The following CNTN6 variants were observed in gnomAD, a reference collection of about 807,000 sequenced individuals.
CNTN6 encodes the protein contactin-6.
Under a neutral mutation model 122.8 loss-of-function variants are expected in CNTN6, and 137 were observed. The observed-to-expected ratio is 1.12, with a 90% CI of 0.97 to 1.29. CNTN6 has a LOEUF of 1.29. Among genes scored for constraint, CNTN6 ranks in the 50% most tolerant of loss-of-function variants. CNTN6 has a pLI of 0.00. For missense variants in CNTN6, 1,634 were observed against 1,223.4 expected (o/e 1.34, Z -5.01); for synonymous variants, 570 against 426.0 (o/e 1.34, Z -4.16).
At chr3:1,236,576 G>A (rs2094425092) in intron 4 of CNTN6, among the ~76,000 whole-genome samples, 1 of 152,136 alleles carries the variant, frequency 6.6e-6, no homozygotes, top group South Asian at 2.1e-4. Context: ...AAAAGACTCT[G>A]AAGAGCAGCC....
chr3:1,249,598 A>T (rs1260680299), intron 4 of CNTN6, among the ~76,000 whole-genome samples: 1 of 152,222 alleles, frequency 6.6e-6, no homozygotes, highest in Non-Finnish European at 1.5e-5. Flanking sequence ...ACGTGATTTA[A>T]CAAGTCAATT....
intron 12 of CNTN6, among the ~76,000 whole-genome samples, chr3:1,362,621 A>G (rs1170394474): frequency 6.6e-6 from 1 of 152,100 alleles, no homozygotes; most frequent in Non-Finnish European, 1.5e-5. Context: ...TGGAGAGAGA[A>G]TAAAATGGGA....
chr3:1,290,694 T>C (rs1259240196), intron 5 of CNTN6, among the ~76,000 whole-genome samples: 1 of 152,232 alleles, frequency 6.6e-6, no homozygotes, highest in Non-Finnish European at 1.5e-5. Context: ...TTTTCCATTT[T>C]TATGGTTATT....
intron 4 of CNTN6, among the ~76,000 whole-genome samples, chr3:1,269,117 A>C (rs529332311): frequency 6.6e-6 from 1 of 151,184 alleles, no homozygotes; most frequent in African/African-American, 2.4e-5. Flanking sequence ...TACACACTTT[A>C]ATTGTATTAT....
At chr3:1,397,111 C>G (rs557884788) in intron 20 of CNTN6, among the ~76,000 whole-genome samples, 1 of 152,132 alleles carries the variant, frequency 6.6e-6, no homozygotes, top group Non-Finnish European at 1.5e-5. Context: ...ATAGTGCCTC[C>G]CATGAGCCAT....
chr3:1,150,420 T>G (rs2092814743), intron 2 of CNTN6, among the ~76,000 whole-genome samples: 1 of 152,148 alleles, frequency 6.6e-6, no homozygotes, highest in African/African-American at 2.4e-5. Context: ...AATTAAAACT[T>G]AAAATTTTTT....
At chr3:1,254,014 C>T (rs148326962) in intron 4 of CNTN6, among the ~76,000 whole-genome samples, 77 of 152,114 alleles carry the variant, frequency 5.1e-4, no homozygotes, top group African/African-American at 1.6e-3. Context: ...TTCTAGTAAC[C>T]GACATTTTTC....
chr3:1,372,352 A>G lies in CNTN6; in HGVS notation c.1546A>G (p.Ser516Gly), dbSNP rs1278436459. ...CAAAATGGATGTTACAGTTGGCGAG[A>G]GTATAGTGCTACCATGCCAGGTGTC... Reference protein sequence around the residue: ...PSKMDVTVGESIVLPCQVSHD... With the variant: ...PSKMDVTVGEGIVLPCQVSHD... The change falls in exon 13 of 23, where the codon AGT (serine) becomes GGT (glycine). Residue 516 changes from serine to glycine, a missense_variant. By Grantham distance (56) the Ser-to-Gly change is moderately conservative. Coordinates refer to ENST00000446702, the MANE Select transcript of CNTN6 (RefSeq NM_001289080.2). The G allele has an allele frequency of 1.9e-6, 3 of 1,612,738 alleles. No individual in the cohort carries two copies. In the South Asian group the frequency reaches 3.3e-5, roughly 18 times the overall value.
chr3:1,113,953 T>G (rs2068884), intron 1 of CNTN6, among the ~76,000 whole-genome samples: 10,188 of 152,230 alleles, frequency 0.067, 1,162 homozygotes, highest in African/African-American at 0.23. Context: ...GTCTCCTACA[T>G]GGTCACCATT....
chr3:1,274,518 A>G (rs567170705), intron 4 of CNTN6, among the ~76,000 whole-genome samples: 2 of 152,200 alleles, frequency 1.3e-5, no homozygotes, highest in South Asian at 2.1e-4. Flanking sequence ...AGTATAGAAA[A>G]TATAAGACTT....
intron 2 of CNTN6, among the ~76,000 whole-genome samples, chr3:1,214,182 T>C (rs1444689949): frequency 2.6e-5 from 4 of 152,082 alleles, no homozygotes; most frequent in Non-Finnish European, 4.4e-5. Context: ...TCATATTTAA[T>C]TGAATGGATT....
intron 7 of CNTN6, among the ~76,000 whole-genome samples, chr3:1,318,518 A>G (rs1240621738): frequency 2.0e-5 from 3 of 151,986 alleles, no homozygotes; most frequent in South Asian, 2.1e-4. Context: ...ACCTGAAAGT[A>G]TAATTTTTTG....
At chr3:1,198,927 G>C (rs1049290235) in intron 2 of CNTN6, among the ~76,000 whole-genome samples, 1 of 152,134 alleles carries the variant, frequency 6.6e-6, no homozygotes, top group Non-Finnish European at 1.5e-5. Flanking sequence ...TTCAGTGGCT[G>C]ATGTCTCTAT....
intron 4 of CNTN6, among the ~76,000 whole-genome samples, chr3:1,254,768 G>GA (rs1175822623): frequency 1.3e-5 from 2 of 152,124 alleles, no homozygotes; most frequent in Admixed American, 1.3e-4. Context: ...TCCAATGAAG[G>GA]AAAATTAAGG....
intron 4 of CNTN6, among the ~76,000 whole-genome samples, chr3:1,253,333 G>A (rs1463435066): frequency 6.6e-6 from 1 of 152,072 alleles, no homozygotes; most frequent in Non-Finnish European, 1.5e-5. Flanking sequence ...GAAAATTTGA[G>A]ATCTCAATAG....
intron 4 of CNTN6, among the ~76,000 whole-genome samples, chr3:1,264,920 A>G (rs1410800275): frequency 6.6e-6 from 1 of 151,796 alleles, no homozygotes; most frequent in Non-Finnish European, 1.5e-5. Context: ...ACTTACATGA[A>G]TTTAACTTTT....
intron 4 of CNTN6, among the ~76,000 whole-genome samples, chr3:1,240,985 C>G (rs978353488): frequency 6.6e-6 from 1 of 151,384 alleles, no homozygotes; most frequent in African/African-American, 2.4e-5. Context: ...AGTACATTCT[C>G]AAGGGTGGGG....
At chr3:1,294,378 T>C (rs948568314) in intron 5 of CNTN6, among the ~76,000 whole-genome samples, 7 of 152,242 alleles carry the variant, frequency 4.6e-5, no homozygotes, top group Admixed American at 1.3e-4. Flanking sequence ...TATGATGACA[T>C]ACAAATGACA....
At chr3:1,280,832 G>T (rs1170800270) in intron 5 of CNTN6, among the ~76,000 whole-genome samples, 1 of 152,050 alleles carries the variant, frequency 6.6e-6, no homozygotes, top group African/African-American at 2.4e-5. Context: ...GCTGAATCAT[G>T]TTTCTTGCTG....
Sources: allele counts gnomAD v4.1 joint callset (sites outside exome capture counted in the v4.1 genomes callset), GRCh38; gene constraint gnomAD v4.1.1; transcripts MANE v1.5; gene names NCBI Gene and HGNC (gene_info 2026-07-23, HGNC 2026-07-21).